PRKG1: variants seen among roughly 807,000 people sequenced by gnomAD.
The protein encoded by PRKG1 is cGMP-dependent protein kinase 1.
PRKG1 carries 35 observed loss-of-function variants against 88.1 expected under a neutral mutation model. The observed-to-expected ratio is 0.40, with a 90% CI of 0.30 to 0.53. The LOEUF (loss-of-function observed/expected upper bound fraction) is 0.53. Ranked by LOEUF, PRKG1 falls within the 20% of genes least tolerant of loss-of-function variation. The pLI, the probability that PRKG1 is intolerant of heterozygous loss-of-function variation, is 0.59. For synonymous variants in PRKG1, 303 were observed against 292.5 expected, an observed-to-expected ratio of 1.04 and a Z score of -0.37; for missense variants, 540 against 839.8, an observed-to-expected ratio of 0.64 and a Z score of 4.41.
At chr10:51,524,665 A>G (rs1841831719) in intron 3 of PRKG1, among the ~76,000 whole-genome samples, 1 of 152,178 alleles carries the variant, frequency 6.6e-6, no homozygotes, top group Non-Finnish European at 1.5e-5. Context: ...CCACAATTCC[A>G]TTCTGCCATT....
At chr10:51,330,133 AT>A (rs1841698070) in intron 2 of PRKG1, among the ~76,000 whole-genome samples, 1 of 129,146 alleles carries the variant, frequency 7.7e-6, no homozygotes, top group Non-Finnish European at 1.7e-5. Flanking sequence ...TTATTTATTT[AT>A]TTATTTATTT....
intron 9 of PRKG1, among the ~76,000 whole-genome samples, chr10:52,217,352 C>CTATT (rs1554818276): frequency 6.7e-6 from 1 of 149,950 alleles, no homozygotes; most frequent in African/African-American, 2.5e-5. Flanking sequence ...ATCTATCTAT[C>CTATT]TATATATATA....
chr10:51,219,055 A>ATTATTC (rs201717973), intron 2 of PRKG1, among the ~76,000 whole-genome samples: 3,311 of 152,294 alleles, frequency 0.022, 43 homozygotes, highest in Middle Eastern at 0.045. Context: ...TGCAGCAGCA[A>ATTATTC]TTAATACATT....
chr10:51,390,865 G>A (rs916935095), intron 2 of PRKG1, among the ~76,000 whole-genome samples: 11 of 124,582 alleles, frequency 8.8e-5, no homozygotes, highest in Non-Finnish European at 4.1e-5. Flanking sequence ...GGCCATGGAT[G>A]GTGCTAAACA....
chr10:51,380,891 GAGA>G (rs754832542), intron 2 of PRKG1, among the ~76,000 whole-genome samples: 2 of 152,146 alleles, frequency 1.3e-5, no homozygotes, highest in Non-Finnish European at 2.9e-5. Context: ...GAGGAACTGG[GAGA>G]AGAACTTGTG....
At chr10:51,429,036 G>A (rs1480844078) in intron 2 of PRKG1, among the ~76,000 whole-genome samples, 1 of 152,178 alleles carries the variant, frequency 6.6e-6, no homozygotes, top group Non-Finnish European at 1.5e-5. Flanking sequence ...TGCTGGACAT[G>A]AGACTATGTT....
intron 3 of PRKG1, among the ~76,000 whole-genome samples, chr10:51,629,847 T>A (rs1839478817): frequency 6.6e-6 from 1 of 152,166 alleles, no homozygotes; most frequent in South Asian, 2.1e-4. Flanking sequence ...AGATAGATGA[T>A]CATGCACCAG....
intron 3 of PRKG1, among the ~76,000 whole-genome samples, chr10:51,676,894 G>A (rs915707854): frequency 6.6e-6 from 1 of 152,160 alleles, no homozygotes; most frequent in African/African-American, 2.4e-5. Context: ...CTTCAAAGCA[G>A]TTTTACACTT....
intron 2 of PRKG1, among the ~76,000 whole-genome samples, chr10:51,349,372 A>G (rs1461027827): frequency 6.6e-6 from 1 of 152,190 alleles, no homozygotes; most frequent in Middle Eastern, 3.4e-3. Context: ...GACCAACATT[A>G]TATTTGCCAA....
chr10:51,234,937 TAA>T (rs1432606118), intron 2 of PRKG1, among the ~76,000 whole-genome samples: 1 of 152,204 alleles, frequency 6.6e-6, no homozygotes, highest in African/African-American at 2.4e-5. Flanking sequence ...ACATTTTACC[TAA>T]GAGTATATAC....
intron 7 of PRKG1, among the ~76,000 whole-genome samples, chr10:52,097,658 G>A (rs1301700816): frequency 1.3e-5 from 2 of 151,842 alleles, no homozygotes; most frequent in South Asian, 2.1e-4. Flanking sequence ...CTCCATAAGA[G>A]GGCTTTGTGT....
chr10:51,090,578 TA>T (rs1259488181), intron 1 of PRKG1, among the ~76,000 whole-genome samples: 1 of 152,150 alleles, frequency 6.6e-6, no homozygotes, highest in African/African-American at 2.4e-5. Context: ...TAAACCATGT[TA>T]AAAAAATCAT....
At chr10:51,407,348 T>A (rs1837950573) in intron 2 of PRKG1, among the ~76,000 whole-genome samples, 1 of 152,096 alleles carries the variant, frequency 6.6e-6, no homozygotes, top group Non-Finnish European at 1.5e-5. Flanking sequence ...TTTGTACAAC[T>A]GGAAACACAC....
intron 4 of PRKG1, among the ~76,000 whole-genome samples, chr10:51,884,467 A>AAT (rs1841519656): frequency 6.9e-6 from 1 of 144,414 alleles, no homozygotes; most frequent in Non-Finnish European, 1.5e-5. Flanking sequence ...AAAAAAAAAA[A>AAT]AAAGAAAAGT....
intron 5 of PRKG1, among the ~76,000 whole-genome samples, chr10:52,037,148 C>G (rs969748855): frequency 6.6e-6 from 1 of 151,984 alleles, no homozygotes; most frequent in East Asian, 1.9e-4. Context: ...TGGGGTCCCA[C>G]ACAGATGGGA....
At chr10:51,186,926 T>C (rs911751120) in intron 2 of PRKG1, among the ~76,000 whole-genome samples, 2 of 145,614 alleles carry the variant, frequency 1.4e-5, no homozygotes, top group African/African-American at 2.6e-5. Context: ...CCTACTTCTG[T>C]TAAAAATGAG....
At chr10:51,987,458 C>CTTT (rs56252793) in intron 5 of PRKG1, among the ~76,000 whole-genome samples, 4 of 139,212 alleles carry the variant, frequency 2.9e-5, no homozygotes, top group Non-Finnish European at 4.7e-5. Flanking sequence ...CTACTCATTA[C>CTTT]TTTTTTTTTT....
chr10:51,959,382 A>C (rs1249927892), intron 5 of PRKG1, among the ~76,000 whole-genome samples: 2 of 152,174 alleles, frequency 1.3e-5, no homozygotes, highest in Non-Finnish European at 2.9e-5. Context: ...AACCTATCAA[A>C]GAGTGTCATG....
chr10:51,105,825 A>C (rs12415785), intron 1 of PRKG1, among the ~76,000 whole-genome samples: 1 of 152,140 alleles, frequency 6.6e-6, no homozygotes, highest in South Asian at 2.1e-4. Flanking sequence ...AACATTAAAC[A>C]TAAACTAAAC....
Sources: gnomAD v4.1 joint callset for allele counts (sites outside exome capture counted in the v4.1 genomes callset) on GRCh38, gnomAD v4.1.1 for gene constraint, MANE v1.5 for transcripts, NCBI Gene and HGNC (gene_info 2026-07-23, HGNC 2026-07-21) for gene names.